IL6R: variants seen among roughly 807,000 people sequenced by gnomAD.
IL6R encodes interleukin-6 receptor subunit alpha.
A neutral mutation model predicts 48.3 loss-of-function variants in IL6R; 38 were observed. The ratio of observed to expected loss-of-function variants is 0.79; its 90% CI spans 0.61 to 1.03. IL6R has a LOEUF of 1.03. Ranked by LOEUF, IL6R falls within the 50% of genes least tolerant of loss-of-function variation. IL6R has a pLI of 0.00. For synonymous variants in IL6R, 264 were observed against 256.2 expected, an observed-to-expected ratio of 1.03 and a Z score of -0.29; for missense variants, 534 against 618.3, an observed-to-expected ratio of 0.86 and a Z score of 1.45.
intron 9 of IL6R, among the ~76,000 whole-genome samples, chr1:154,461,035 G>A (rs112811793): frequency 0.014 from 2,195 of 152,298 alleles, 63 homozygotes; most frequent in African/African-American, 0.05. Flanking sequence ...GATTGACAAG[G>A]TGAAGCAAGT....
At chr1:154,439,015 G>A (rs1004907253) in intron 6 of IL6R, among the ~76,000 whole-genome samples, 1 of 151,988 alleles carries the variant, frequency 6.6e-6, no homozygotes, top group South Asian at 2.1e-4. Flanking sequence ...CCTGTCCATG[G>A]TTTTCTTTGA....
chr1:154,421,185 G>T (rs1688641124), intron 1 of IL6R, among the ~76,000 whole-genome samples: 1 of 152,206 alleles, frequency 6.6e-6, no homozygotes, highest in Admixed American at 6.5e-5. Context: ...GCCAAGGAGG[G>T]GCAGGGGACA....
chr1:154,413,469 A>C (rs1688155920), intron 1 of IL6R, among the ~76,000 whole-genome samples: 2 of 152,242 alleles, frequency 1.3e-5, no homozygotes. Flanking sequence ...TGTCATCGTG[A>C]GACAGAATAG....
chr1:154,455,934 G>A (rs1690857578), intron 9 of IL6R, among the ~76,000 whole-genome samples: 1 of 151,876 alleles, frequency 6.6e-6, no homozygotes, highest in South Asian at 2.1e-4. Flanking sequence ...GTGCTTGACT[G>A]TAATCCCAGC....
intron 1 of IL6R, chr1:154,406,495 C>G (rs143420505): frequency 1.3e-5 from 2 of 152,274 alleles, no homozygotes; most frequent in Non-Finnish European, 2.9e-5. Flanking sequence ...GGGCTCTGGC[C>G]GCATGCCCAG....
At chr1:154,410,532 T>A (rs1363601788) in intron 1 of IL6R, among the ~76,000 whole-genome samples, 1 of 152,210 alleles carries the variant, frequency 6.6e-6, no homozygotes, top group Non-Finnish European at 1.5e-5. Context: ...ATTACAGGCG[T>A]GAGCCTTTGT....
chr1:154,449,887 G>T (rs1416515474), intron 7 of IL6R, 24 bp from the exon 8 acceptor site: 1 of 1,508,574 alleles, frequency 6.6e-7, no homozygotes, highest in South Asian at 1.1e-5. Flanking sequence ...GAAACAGGCT[G>T]ATGGTGAGGA....
intron 9 of IL6R, among the ~76,000 whole-genome samples, chr1:154,456,451 C>CCCGCCT (rs1690895061): frequency 1.3e-5 from 2 of 152,200 alleles, no homozygotes; most frequent in African/African-American, 2.4e-5. Context: ...AGATGATCCG[C>CCCGCCT]CCGCCTCCGC....
chr1:154,412,869 G>A (rs1158485397), intron 1 of IL6R, among the ~76,000 whole-genome samples: 3 of 151,982 alleles, frequency 2.0e-5, no homozygotes. Context: ...GTTGGAACTT[G>A]GGTATATCTG....
intron 9 of IL6R, among the ~76,000 whole-genome samples, chr1:154,463,821 C>A (rs1691392330): frequency 6.6e-6 from 1 of 152,232 alleles, no homozygotes; most frequent in Admixed American, 6.5e-5. Flanking sequence ...GCACTGTGAA[C>A]CAAGCTGTGA....
intron 6 of IL6R, chr1:154,437,617 G>A (rs1162757155): frequency 3.6e-6 from 1 of 277,326 alleles, no homozygotes; most frequent in Non-Finnish European, 7.8e-6. Flanking sequence ...TCACCATGCT[G>A]CCCAGGCTGG....
chr1:154,416,231 G>T (rs1688341006), intron 1 of IL6R, among the ~76,000 whole-genome samples: 1 of 151,816 alleles, frequency 6.6e-6, no homozygotes, highest in Non-Finnish European at 1.5e-5. Context: ...CTGGACTCAC[G>T]CAATCCTCTT....
rs372688307 is a variant in IL6R at position 154,426,161 on chromosome 1, G to GACACACACACACACACAC, written c.86-3019_86-3002dup. The stretch of plus-strand genomic sequence containing the variant: ...AGCACCAGACTGAGACCCTGTATCA[G>GACACACACACACACACAC]ACACACACACACACACACACACACA... On this transcript the variant is annotated intron_variant, in intron 1 of 9. Transcript: ENST00000368485. Among the ~76,000 whole-genome samples the GACACACACACACACACAC allele has an allele frequency of 5.8e-4, 69 of 118,642 alleles. 1 individual carries two copies. Among genetic ancestry groups the GACACACACACACACACAC allele is most frequent in the African/African-American group, 2.1e-3 (66 of 31,620 alleles). The allele number at this position is 118,642 out of a possible 152,430, so 77.8% of individuals were successfully genotyped here.
rs1009971684 is a variant in IL6R at position 154,453,088 on chromosome 1, C to T, written c.1067-1400C>T. 7.2e-5 allele frequency among the ~76,000 whole-genome samples: 11 copies of T among 152,026 alleles called. No individual in the cohort carries two copies. In the East Asian group the frequency reaches 1.9e-3, roughly 27 times the overall value. On this transcript the variant is annotated intron_variant, in intron 8 of 9. Transcript: ENST00000368485. ...GGCATGGTGGCATGTGCCTATTGTC[C>T]CAGGTACTTGGGAGGCTGAGGTAGG...
At chr1:154,464,412 C>G (rs890734944) in intron 9 of IL6R, among the ~76,000 whole-genome samples, 3 of 152,240 alleles carry the variant, frequency 2.0e-5, no homozygotes, top group African/African-American at 7.2e-5. Context: ...GCCTCGGCCT[C>G]CCAATGTGTG....
chr1:154,463,468 C>T (rs1263633178), intron 9 of IL6R, among the ~76,000 whole-genome samples: 1 of 152,182 alleles, frequency 6.6e-6, no homozygotes, highest in Non-Finnish European at 1.5e-5. Flanking sequence ...CAGGAATAAC[C>T]TGTCGATATA....
chr1:154,427,300 A>G (rs577453434), intron 1 of IL6R, among the ~76,000 whole-genome samples: 59 of 152,260 alleles, frequency 3.9e-4, no homozygotes, highest in African/African-American at 1.4e-3. Context: ...TCTCAAGGGC[A>G]GGTCTCTGGG....
chr1:154,456,561 G>A (rs1184711067), intron 9 of IL6R, among the ~76,000 whole-genome samples: 1 of 152,188 alleles, frequency 6.6e-6, no homozygotes, highest in Non-Finnish European at 1.5e-5. Flanking sequence ...ATTAGATGAG[G>A]AGGATGAAGG....
rs747302057 is a variant in IL6R at position 154,465,146 on chromosome 1, G to T, written c.1173G>T (p.Thr391=). ...TGTTTGTGTGAAGGTTCAAGAAGAC[G>T]TGGAAGCTGCGGGCTCTGAAGGAAG... ...CIAIVLRFKK[T]WKLRALKEGK... is the part of the protein sequence containing the mutation. The change falls in exon 10 of 10, where the codon ACG becomes ACT. Residue 391 remains threonine, a synonymous_variant. Coordinates refer to ENST00000368485, the MANE Select transcript of IL6R (RefSeq NM_000565.4). 5 of 1,614,184 alleles carry T rather than the reference G, an allele frequency of 3.1e-6. No homozygotes were observed. In the East Asian group the frequency reaches 8.9e-5, roughly 29 times the overall value.
Sources: allele counts gnomAD v4.1 joint callset (sites outside exome capture counted in the v4.1 genomes callset), GRCh38; gene constraint gnomAD v4.1.1; transcripts MANE v1.5; gene names NCBI Gene and HGNC (gene_info 2026-07-23, HGNC 2026-07-21).